The following CTNNA3 variants were observed in gnomAD, a reference collection of about 807,000 sequenced individuals.
The protein encoded by CTNNA3 is catenin alpha-3.
Under a neutral mutation model 95.7 loss-of-function variants are expected in CTNNA3, and 76 were observed. The observed-to-expected ratio is 0.79, with a 90% CI of 0.66 to 0.96. The LOEUF is 0.96. Among genes scored for constraint, CTNNA3 ranks in the 40% least tolerant of loss-of-function variants. The pLI, the probability that CTNNA3 is intolerant of heterozygous loss-of-function variation, is 0.00. For synonymous variants in CTNNA3, 431 were observed against 374.4 expected, an observed-to-expected ratio of 1.15 and a Z score of -1.74; for missense variants, 1,191 against 1,089.8, an observed-to-expected ratio of 1.09 and a Z score of -1.31.
intron 17 of CTNNA3, among the ~76,000 whole-genome samples, chr10:65,938,366 C>T (rs1196230851): frequency 6.6e-6 from 1 of 152,088 alleles, no homozygotes; most frequent in Non-Finnish European, 1.5e-5. Context: ...TTCTGCTCTC[C>T]TTAGCAGAAT....
chr10:67,493,306 T>A (rs1838916369), intron 5 of CTNNA3, among the ~76,000 whole-genome samples: 3 of 152,084 alleles, frequency 2.0e-5, no homozygotes, highest in Non-Finnish European at 2.9e-5. Flanking sequence ...CTCACCCCTG[T>A]AATCCCAGCA....
chr10:67,139,752 T>C (rs943203574), intron 7 of CTNNA3, among the ~76,000 whole-genome samples: 1 of 152,152 alleles, frequency 6.6e-6, no homozygotes, highest in Admixed American at 6.5e-5. Flanking sequence ...TATAAATCCA[T>C]AGTTTAGTGA....
intron 7 of CTNNA3, among the ~76,000 whole-genome samples, chr10:67,155,569 TTA>T (rs1240950571): frequency 5.3e-5 from 8 of 151,824 alleles, no homozygotes; most frequent in Non-Finnish European, 1.2e-4. Context: ...CATTCTTCTT[TTA>T]GTTACCAAAT....
intron 13 of CTNNA3, among the ~76,000 whole-genome samples, chr10:66,161,532 C>A (rs894948282): frequency 6.6e-6 from 1 of 152,160 alleles, no homozygotes; most frequent in African/African-American, 2.4e-5. Context: ...GGGCCCCAAT[C>A]CTTTCTAGCT....
In CTNNA3 at chr10:66,627,072, G is replaced by T. The variant is rs760852610; in HGVS notation, c.1282-5288C>A. ...CTGAGGTGAAAGTCTAAAAAAGAAT[G>T]ACCTGAACATGTGTGGGTTAGCGTA... On this transcript the variant is annotated intron_variant, in intron 9 of 17. Transcript: ENST00000433211. Among the ~76,000 whole-genome samples, 5 of 152,128 alleles carry T rather than the reference G, an allele frequency of 3.3e-5. 1 individual carries two copies. Among genetic ancestry groups the T allele is most frequent in the Non-Finnish European group, 7.4e-5 (5 of 68,000 alleles).
At chr10:66,898,089 A>T (rs1369052620) in intron 7 of CTNNA3, among the ~76,000 whole-genome samples, 1 of 152,230 alleles carries the variant, frequency 6.6e-6, no homozygotes, top group Non-Finnish European at 1.5e-5. Context: ...AGATAAACTG[A>T]ACATCATAAG....
chr10:66,558,597 T>C (rs1842460593), intron 10 of CTNNA3, among the ~76,000 whole-genome samples: 1 of 152,174 alleles, frequency 6.6e-6, no homozygotes, highest in African/African-American at 2.4e-5. Flanking sequence ...TGATGGTTTC[T>C]ACTTCATTAT....
chr10:66,634,843 C>T (rs1845281183), intron 9 of CTNNA3, among the ~76,000 whole-genome samples: 1 of 152,008 alleles, frequency 6.6e-6, no homozygotes, highest in African/African-American at 2.4e-5. Flanking sequence ...TGTGCCATCA[C>T]AAAAGAAGCA....
At chr10:66,342,133 G>T (rs2092460476) in intron 12 of CTNNA3, among the ~76,000 whole-genome samples, 1 of 151,810 alleles carries the variant, frequency 6.6e-6, no homozygotes, top group Admixed American at 6.6e-5. Context: ...TCCTTATCTA[G>T]GTCTTAGAAA....
intron 16 of CTNNA3, among the ~76,000 whole-genome samples, chr10:65,988,206 T>C (rs1255441301): frequency 6.6e-6 from 1 of 152,080 alleles, no homozygotes. Context: ...AAAGAAATGA[T>C]AGATGTTTGA....
intron 7 of CTNNA3, among the ~76,000 whole-genome samples, chr10:67,028,311 A>C (rs560060271): frequency 1.0e-3 from 154 of 152,202 alleles, no homozygotes; most frequent in Middle Eastern, 6.8e-3. Context: ...TTTTGTCTTT[A>C]TGGCAACAAT....
chr10:66,846,089 GC>G lies in CTNNA3; in HGVS notation c.1048-70566del, dbSNP rs1339426588. Among the ~76,000 whole-genome samples the G allele has an allele frequency of 2.0e-3, 299 of 152,054 alleles. 2 individuals carry two copies. Among genetic ancestry groups the G allele is most frequent in the African/African-American group, 6.9e-3 (287 of 41,476 alleles). ...GGAGGTTGCAGGGAGCCGAGATTGT[GC>G]CACTGCACTCCAGCCTGGGTGACAG... On this transcript the variant is annotated intron_variant, in intron 7 of 17. Coordinates refer to ENST00000433211, the MANE Select transcript of CTNNA3 (RefSeq NM_013266.4).
intron 5 of CTNNA3, among the ~76,000 whole-genome samples, chr10:67,519,431 G>A (rs988209053): frequency 6.6e-6 from 1 of 152,160 alleles, no homozygotes; most frequent in African/African-American, 2.4e-5. Context: ...ATACATAGGG[G>A]CAAGGGAAAA....
At chr10:66,838,764 T>C (rs936872928) in intron 7 of CTNNA3, among the ~76,000 whole-genome samples, 26 of 152,174 alleles carry the variant, frequency 1.7e-4, no homozygotes, top group African/African-American at 6.3e-4. Flanking sequence ...TTGAATGCAT[T>C]GATGTAGAAG....
At chr10:66,003,103 A>G (rs1166763834) in intron 15 of CTNNA3, among the ~76,000 whole-genome samples, 1 of 152,212 alleles carries the variant, frequency 6.6e-6, no homozygotes, top group East Asian at 1.9e-4. Flanking sequence ...CACAAGACCA[A>G]TTTTATTTCC....
chr10:66,519,908 G>A lies in CTNNA3; in HGVS notation c.1531+709C>T, dbSNP rs1466652780. ...TTTTGTGGTTCACACATTTCAAATC[G>A]ATGATGTTTTCTCACTAATATGTTT... On this transcript the variant is annotated intron_variant, in intron 11 of 17. Coordinates refer to ENST00000433211, the MANE Select transcript of CTNNA3 (RefSeq NM_013266.4). Among the ~76,000 whole-genome samples the A allele has an allele frequency of 5.9e-5, 9 of 152,044 alleles. 1 individual carries two copies. In the South Asian group the frequency reaches 1.2e-3, roughly 21 times the overall value.
intron 13 of CTNNA3, among the ~76,000 whole-genome samples, chr10:66,204,067 G>A (rs892826941): frequency 4.6e-5 from 7 of 152,142 alleles, no homozygotes; most frequent in South Asian, 4.1e-4. Context: ...GCTACCAAGC[G>A]TGAATAAAAA....
intron 1 of CTNNA3, among the ~76,000 whole-genome samples, chr10:67,736,064 G>A (rs1197434636): frequency 6.6e-6 from 1 of 151,984 alleles, no homozygotes; most frequent in Non-Finnish European, 1.5e-5. Flanking sequence ...TCAAATAAAT[G>A]GATAAACAAA....
At chr10:67,291,258 C>T (rs1391508517) in intron 5 of CTNNA3, among the ~76,000 whole-genome samples, 1 of 152,006 alleles carries the variant, frequency 6.6e-6, no homozygotes, top group East Asian at 1.9e-4. Flanking sequence ...ACTATGCTAG[C>T]TATGGTAAAT....
Sources: gnomAD v4.1 joint callset for allele counts (sites outside exome capture counted in the v4.1 genomes callset) on GRCh38, gnomAD v4.1.1 for gene constraint, MANE v1.5 for transcripts, NCBI Gene and HGNC (gene_info 2026-07-23, HGNC 2026-07-21) for gene names.